Variants in TMEM272 observed in about 807,000 individuals in gnomAD.
TMEM272 encodes transmembrane protein 272.
Under a neutral mutation model 3.7 loss-of-function variants are expected in TMEM272, and 8 were observed. That is an observed-to-expected ratio of 2.17 (90% CI 1.27 to 3.91). The LOEUF is 3.91. Among genes scored for constraint, TMEM272 ranks in the 30% most tolerant of loss-of-function variants. The probability of loss-of-function intolerance (pLI) is 0.00; values close to 1 mark genes in which losing one functional copy is unlikely to be tolerated. For missense variants in TMEM272, 166 were observed against 91.5 expected (o/e 1.81, Z -3.32); for synonymous variants, 63 against 39.8 (o/e 1.58, Z -2.20).
the TMEM272 span, among the ~76,000 whole-genome samples, chr13:51,874,367 G>A: frequency 6.6e-6 from 1 of 152,054 alleles, no homozygotes; most frequent in Non-Finnish European, 1.5e-5. Context: ...TAAGAACCAG[G>A]CCAAGATAGA....
the TMEM272 span, among the ~76,000 whole-genome samples, chr13:51,896,903 G>A: frequency 1.3e-5 from 2 of 152,334 alleles, no homozygotes; most frequent in Non-Finnish European, 2.9e-5. Context: ...GGCAGGTATG[G>A]ATTTTTGAAA....
the TMEM272 span, among the ~76,000 whole-genome samples, chr13:51,874,168 C>T: frequency 6.6e-6 from 1 of 152,204 alleles, no homozygotes. Context: ...GAGCCCACAC[C>T]CTGCTGCAGG....
the TMEM272 span, among the ~76,000 whole-genome samples, chr13:51,912,842 C>A: frequency 6.6e-6 from 1 of 152,172 alleles, no homozygotes; most frequent in East Asian, 1.9e-4. Context: ...TGAATACATA[C>A]ACGAATGAAG....
the TMEM272 span, among the ~76,000 whole-genome samples, chr13:51,876,350 G>T: frequency 1.3e-5 from 2 of 152,204 alleles, no homozygotes; most frequent in African/African-American, 4.8e-5. Flanking sequence ...TTCAGGCAGG[G>T]AATTCAGGGT....
At chr13:51,863,257 G>A in the TMEM272 span, among the ~76,000 whole-genome samples, 1 of 152,234 alleles carries the variant, frequency 6.6e-6, no homozygotes, top group African/African-American at 2.4e-5. Context: ...GCAAGCTGGA[G>A]TTGGGCTGCA....
chr13:51,817,147 A>G (rs1048324149), intron 4 of TMEM272, 34 bp from the exon 5 acceptor site: 25 of 687,492 alleles, frequency 3.6e-5, no homozygotes, highest in Non-Finnish European at 6.1e-5. Context: ...GTGGCAAGGC[A>G]GAGCAGCAAA....
the TMEM272 span, among the ~76,000 whole-genome samples, chr13:51,863,876 T>C: frequency 1.4e-3 from 206 of 152,194 alleles, 2 homozygotes; most frequent in Middle Eastern, 3.4e-3. Flanking sequence ...AAGCACAAAA[T>C]GGAAAACAAT....
At chr13:51,917,814 GTTGACCCT>G in the TMEM272 span, among the ~76,000 whole-genome samples, 1 of 152,152 alleles carries the variant, frequency 6.6e-6, no homozygotes, top group Non-Finnish European at 1.5e-5. Context: ...ACAATTCTGG[GTTGACCCT>G]GGTCTCTGCC....
the TMEM272 span, among the ~76,000 whole-genome samples, chr13:51,874,615 C>G: frequency 1.3e-5 from 2 of 152,282 alleles, no homozygotes; most frequent in Admixed American, 6.5e-5. Context: ...CACCCAAATG[C>G]AGGCAAAGGA....
chr13:51,836,129 G>T (rs1176733256), intron 2 of TMEM272, among the ~76,000 whole-genome samples: 1 of 152,208 alleles, frequency 6.6e-6, no homozygotes, highest in Non-Finnish European at 1.5e-5. Flanking sequence ...AATGAGAGGT[G>T]ATCAGGCCCT....
At chr13:51,852,806 G>A in the TMEM272 span, among the ~76,000 whole-genome samples, 1 of 151,428 alleles carries the variant, frequency 6.6e-6, no homozygotes, top group Non-Finnish European at 1.5e-5. Flanking sequence ...TTGAACCCAG[G>A]AGGTGAAGGA....
the TMEM272 span, among the ~76,000 whole-genome samples, chr13:51,858,627 T>C: frequency 6.6e-6 from 1 of 152,166 alleles, no homozygotes; most frequent in Non-Finnish European, 1.5e-5. Flanking sequence ...TGTAGGACTT[T>C]CTCCTTAGCT....
Position 51,845,005 on chromosome 13 carries a change from G to C in TMEM272, c.-24+11C>G, listed in dbSNP as rs570943982. 6.6e-6 allele frequency: 1 copy of C among 152,358 alleles called. No individual in the cohort carries two copies. The highest frequency in any genetic ancestry group is 1.9e-4 in the East Asian group (1 of 5,180). The allele number at this position is 152,358 out of a possible 1,614,324, so 9.4% of individuals were successfully genotyped here. A position where few individuals can be genotyped will look rare whatever the true frequency, so the allele number is the denominator to read the frequency against. On this transcript the variant is annotated intron_variant, in intron 1 of 4. Coordinates refer to ENST00000629372, the MANE Select transcript of TMEM272 (RefSeq NM_001351003.2). Reference sequence around the variant, plus strand: ...CCAACTTCACAGGCTGCCCAGGGTTGCCGGACTCACCTGAGCTAAGCAGAG... The same window carrying C: ...CCAACTTCACAGGCTGCCCAGGGTTCCCGGACTCACCTGAGCTAAGCAGAG...
chr13:51,858,705 A>G, the TMEM272 span, among the ~76,000 whole-genome samples: 4 of 152,220 alleles, frequency 2.6e-5, no homozygotes, highest in South Asian at 8.3e-4. Flanking sequence ...GTGGACACAC[A>G]GAAGGGTAAG....
chr13:51,885,605 T>A, the TMEM272 span, among the ~76,000 whole-genome samples: 1 of 152,204 alleles, frequency 6.6e-6, no homozygotes, highest in Non-Finnish European at 1.5e-5. Context: ...TATCACAGCA[T>A]AACAGCAAAT....
chr13:51,872,298 A>T, the TMEM272 span, among the ~76,000 whole-genome samples: 11 of 152,192 alleles, frequency 7.2e-5, no homozygotes, highest in African/African-American at 2.7e-4. Flanking sequence ...GGACAATATG[A>T]CAGCAGGAAT....
At chr13:51,905,050 A>G in the TMEM272 span, among the ~76,000 whole-genome samples, 1 of 152,200 alleles carries the variant, frequency 6.6e-6, no homozygotes, top group African/African-American at 2.4e-5. Context: ...ACTGTGTAAA[A>G]TATCTGTGGA....
the TMEM272 span, among the ~76,000 whole-genome samples, chr13:51,925,736 A>G: frequency 6.6e-6 from 1 of 151,932 alleles, no homozygotes; most frequent in Non-Finnish European, 1.5e-5. Flanking sequence ...AACACCCCTT[A>G]CCCACCCAGG....
At chr13:51,899,932 C>T in the TMEM272 span, among the ~76,000 whole-genome samples, 1 of 152,176 alleles carries the variant, frequency 6.6e-6, no homozygotes, top group Non-Finnish European at 1.5e-5. Flanking sequence ...GGTGCTGGGA[C>T]AACTGGATAT....
Sources: allele counts gnomAD v4.1 joint callset (sites outside exome capture counted in the v4.1 genomes callset), GRCh38; gene constraint gnomAD v4.1.1; transcripts MANE v1.5; gene names NCBI Gene and HGNC (gene_info 2026-07-23, HGNC 2026-07-21).